Variants in PRKG1 observed in about 807,000 individuals in gnomAD.
PRKG1 encodes the protein cGMP-dependent protein kinase 1.
A neutral mutation model predicts 88.1 loss-of-function variants in PRKG1; 35 were observed. The observed-to-expected ratio is 0.40, with a 90% CI of 0.30 to 0.53. PRKG1 has a LOEUF of 0.53. Among genes scored for constraint, PRKG1 ranks in the 20% least tolerant of loss-of-function variants. PRKG1 has a pLI of 0.59. For synonymous variants in PRKG1, 303 were observed against 292.5 expected, an observed-to-expected ratio of 1.04 and a Z score of -0.37; for missense variants, 540 against 839.8, an observed-to-expected ratio of 0.64 and a Z score of 4.41.
Position 51,255,183 on chromosome 10 carries a change from A to G in PRKG1, c.478+101853A>G, listed in dbSNP as rs115541835. On this transcript the variant is annotated intron_variant, in intron 2 of 17. Transcript: ENST00000373980. ...TTTAAGAATATAAATAATTTGTGGA[A>G]TTCAATTTCTACATATGTTTTGACT... is the stretch of plus-strand genomic sequence containing the variant. 4.8e-3 allele frequency among the ~76,000 whole-genome samples: 737 copies of G among 152,264 alleles called. 3 individuals are homozygous for G. The highest frequency in any genetic ancestry group is 0.017 in the African/African-American group (694 of 41,574).
At chr10:51,273,597 G>A (rs1241093194) in intron 2 of PRKG1, among the ~76,000 whole-genome samples, 1 of 152,166 alleles carries the variant, frequency 6.6e-6, no homozygotes, top group Non-Finnish European at 1.5e-5. Flanking sequence ...GCTCAAAGAT[G>A]GGCTCAGTGG....
chr10:51,623,959 C>A, intron 3 of PRKG1, among the ~76,000 whole-genome samples: 1 of 152,150 alleles, frequency 6.6e-6, no homozygotes, highest in Non-Finnish European at 1.5e-5. Context: ...AGACCCCAGA[C>A]ACCACTCCAC....
chr10:52,099,728 T>G (rs936629079), intron 7 of PRKG1, among the ~76,000 whole-genome samples: 1 of 152,154 alleles, frequency 6.6e-6, no homozygotes, highest in South Asian at 2.1e-4. Context: ...ACTGTTAGGG[T>G]TGCTTTTGGA....
At chr10:51,649,741 T>G (rs886995785) in intron 3 of PRKG1, among the ~76,000 whole-genome samples, 3 of 152,192 alleles carry the variant, frequency 2.0e-5, no homozygotes, top group Non-Finnish European at 4.4e-5. Flanking sequence ...GAGCAGTGGC[T>G]CAAGGGCCTG....
chr10:51,867,433 G>A (rs1055952798), intron 4 of PRKG1, among the ~76,000 whole-genome samples: 5 of 152,090 alleles, frequency 3.3e-5, no homozygotes, highest in Admixed American at 6.6e-5. Context: ...AAGGAGGGGA[G>A]AGGAATAAAG....
chr10:51,989,465 A>G (rs1324838872), intron 5 of PRKG1, among the ~76,000 whole-genome samples: 2 of 152,050 alleles, frequency 1.3e-5, no homozygotes, highest in Non-Finnish European at 2.9e-5. Flanking sequence ...GTCAATGACA[A>G]CTGAGTCCAG....
chr10:52,155,645 G>A lies in PRKG1; in HGVS notation c.1002-6244G>A, dbSNP rs186807510. 2.6e-3 allele frequency among the ~76,000 whole-genome samples: 400 copies of A among 151,088 alleles called. 2 individuals are homozygous for A. Among genetic ancestry groups the A allele is most frequent in the African/African-American group, 9.0e-3 (372 of 41,318 alleles). The stretch of plus-strand genomic sequence containing the variant: ...GGAGGATACATGCCAAAGTGTTAAC[G>A]TTTAGCTCAAGATTGTAAAATTACA... On this transcript the variant is annotated intron_variant, in intron 8 of 17. Coordinates refer to ENST00000373980, the MANE Select transcript of PRKG1 (RefSeq NM_006258.4).
Position 52,223,594 on chromosome 10 carries a change from C to T in PRKG1, c.1077-27976C>T, listed in dbSNP as rs201245518. ...TCAGGTAGTCTCACAGCTTTCGATACGCTCTACATGCTGACAAATTCCAGA... is the reference window on the plus strand; with the variant it reads ...TCAGGTAGTCTCACAGCTTTCGATATGCTCTACATGCTGACAAATTCCAGA... On this transcript the variant is annotated intron_variant, in intron 9 of 17. Transcript: ENST00000373980. Among the ~76,000 whole-genome samples the T allele has an allele frequency of 1.5e-3, 224 of 152,258 alleles. 1 individual carries two copies. The highest frequency in any genetic ancestry group is 0.01 in the Middle Eastern group (3 of 294).
At chr10:52,246,283 G>C (rs572215913) in intron 9 of PRKG1, among the ~76,000 whole-genome samples, 1 of 152,238 alleles carries the variant, frequency 6.6e-6, no homozygotes, top group African/African-American at 2.4e-5. Flanking sequence ...GGAAGAAATG[G>C]AAATATAATA....
intron 3 of PRKG1, among the ~76,000 whole-genome samples, chr10:51,643,223 G>A (rs1433520990): frequency 1.3e-5 from 2 of 152,146 alleles, no homozygotes; most frequent in Non-Finnish European, 2.9e-5. Flanking sequence ...TTATCCAACT[G>A]TATGTTTCTA....
At chr10:51,347,553 A>G (rs2132557680) in intron 2 of PRKG1, among the ~76,000 whole-genome samples, 2 of 152,246 alleles carry the variant, frequency 1.3e-5, no homozygotes, top group Admixed American at 1.3e-4. Context: ...TTTTTAGTGA[A>G]AATGTGATAG....
chr10:52,059,762 T>A (rs901475392), intron 6 of PRKG1, among the ~76,000 whole-genome samples: 1 of 151,638 alleles, frequency 6.6e-6, no homozygotes, highest in Non-Finnish European at 1.5e-5. Flanking sequence ...AAAAAAGAAG[T>A]AAATTTTACT....
chr10:51,774,094 CTGTT>C (rs1207558869), intron 3 of PRKG1, among the ~76,000 whole-genome samples: 6 of 152,132 alleles, frequency 3.9e-5, no homozygotes, highest in South Asian at 4.1e-4. Flanking sequence ...GGTGGAGTCT[CTGTT>C]TGGCTACTTT....
At chr10:51,645,788 C>G (rs895318877) in intron 3 of PRKG1, among the ~76,000 whole-genome samples, 7 of 151,956 alleles carry the variant, frequency 4.6e-5, no homozygotes, top group Admixed American at 6.6e-5. Flanking sequence ...TTAGTATTAC[C>G]AGATATTGTC....
chr10:51,930,086 C>T (rs80077465), intron 5 of PRKG1, among the ~76,000 whole-genome samples: 9,847 of 152,234 alleles, frequency 0.065, 495 homozygotes, highest in African/African-American at 0.13. Context: ...AATTTCCTTC[C>T]TTCTAAGGCT....
At chr10:51,845,469 A>G (rs562329770) in intron 4 of PRKG1, among the ~76,000 whole-genome samples, 1 of 152,268 alleles carries the variant, frequency 6.6e-6, no homozygotes, top group East Asian at 1.9e-4. Context: ...ACCACTTCTT[A>G]GTTTCCATAG....
intron 10 of PRKG1, 136 bp from the exon 11 acceptor site, chr10:52,271,214 C>T (rs1841722268): frequency 1.1e-6 from 1 of 893,900 alleles, no homozygotes; most frequent in Non-Finnish European, 1.6e-6. Flanking sequence ...GCAGCTCTAC[C>T]AAGGATTTAC....
At position 52,135,703 on chromosome 10, in the gene PRKG1, A is replaced by G. The variant is rs368154392; in HGVS notation, c.1001+1798A>G. 9.2e-5 allele frequency among the ~76,000 whole-genome samples: 14 copies of G among 152,138 alleles called. No individual in the cohort carries two copies. The East Asian group carries it at 2.1e-3, about 23-fold the overall frequency. ...AGTTTGGTAGGTACGATGACATTCT[A>G]CTAAGAATGTAATGCATTGAACATA... On this transcript the variant is annotated intron_variant, in intron 8 of 17. Transcript: ENST00000373980.
intron 10 of PRKG1, among the ~76,000 whole-genome samples, chr10:52,257,253 C>G (rs1841329894): frequency 7.2e-6 from 1 of 138,862 alleles, no homozygotes; most frequent in Non-Finnish European, 1.6e-5. Context: ...ACATCCATAC[C>G]ACTCTCACAG....
Sources: allele counts gnomAD v4.1 joint callset (sites outside exome capture counted in the v4.1 genomes callset), GRCh38; gene constraint gnomAD v4.1.1; transcripts MANE v1.5; gene names NCBI Gene and HGNC (gene_info 2026-07-23, HGNC 2026-07-21).